NPHP4: variants seen among roughly 807,000 people sequenced by gnomAD.
The protein encoded by NPHP4 is nephrocystin 4.
In NPHP4, 151 loss-of-function variants were observed where a neutral mutation model predicts 155.8. The ratio of observed to expected loss-of-function variants is 0.97; its 90% confidence interval spans 0.85 to 1.11. NPHP4 has a LOEUF of 1.11. Among genes scored for constraint, NPHP4 ranks in the 50% least tolerant of loss-of-function variants. The probability of loss-of-function intolerance (pLI) is 0.00; values close to 1 mark genes in which losing one functional copy is unlikely to be tolerated. For missense variants in NPHP4, 1,956 were observed against 1,925.7 expected (o/e 1.02, Z -0.29); for synonymous variants, 845 against 816.8 (o/e 1.03, Z -0.59).
Position 5,867,426 on chromosome 1 carries a change from C to T in NPHP4, c.3473-311G>A. ...AGCCTGCACTCTGCTGTAAGGGGCACCTACCAGAAACACGCGGGCCGTCAG... is the reference window on the plus strand; with the variant it reads ...AGCCTGCACTCTGCTGTAAGGGGCATCTACCAGAAACACGCGGGCCGTCAG... On this transcript the variant is annotated intron_variant, in intron 24 of 29. Transcript: ENST00000378156. The surrounding 1 kb of genome is among the most constrained non-coding windows in gnomAD (Gnocchi z 4.1). 1.8e-6 allele frequency: 1 copy of T among 550,662 alleles called. No individual in the cohort carries two copies. The highest frequency in any genetic ancestry group is 3.0e-5 in the East Asian group (1 of 32,804). 34.1% of individuals were successfully genotyped at this position (550,662 alleles called of 1,614,324 possible). A position where few individuals can be genotyped will look rare whatever the true frequency, so the allele number is the denominator to read the frequency against.
intron 7 of NPHP4, among the ~76,000 whole-genome samples, chr1:5,949,369 C>CACACACACACACACA (rs1047844844): frequency 7.9e-5 from 12 of 151,822 alleles, no homozygotes; most frequent in Admixed American, 2.0e-4. Context: ...CACACACACA[C>CACACACACACACACA]AACTTGCTAA....
intron 11 of NPHP4, among the ~76,000 whole-genome samples, chr1:5,915,214 T>C (rs1316574916): frequency 1.3e-5 from 2 of 151,890 alleles, no homozygotes; most frequent in East Asian, 3.9e-4. Flanking sequence ...GCCTTGGGCC[T>C]TGGGCCTTGG....
intron 2 of NPHP4, 65 bp downstream of exon 2, chr1:5,986,090 T>G: frequency 6.3e-7 from 1 of 1,575,204 alleles, no homozygotes; most frequent in Non-Finnish European, 8.7e-7. Context: ...CATCCATCTG[T>G]TAACTGGAAG....
chr1:5,915,712 C>A (rs1023342727), intron 11 of NPHP4, among the ~76,000 whole-genome samples: 6 of 152,160 alleles, frequency 3.9e-5, no homozygotes, highest in Non-Finnish European at 8.8e-5. Context: ...GAGCTGGGGT[C>A]ACCTCCAGGG....
At chr1:5,928,229 G>A (rs528193795) in intron 10 of NPHP4, among the ~76,000 whole-genome samples, 96 of 152,164 alleles carry the variant, frequency 6.3e-4, no homozygotes, top group African/African-American at 2.0e-3. Context: ...TGCCTAACCC[G>A]GGCAATCTAT....
At chr1:5,945,868 T>A (rs777596074) in intron 9 of NPHP4, among the ~76,000 whole-genome samples, 4 of 152,058 alleles carry the variant, frequency 2.6e-5, no homozygotes, top group Non-Finnish European at 5.9e-5. Context: ...CTAAATTGCG[T>A]GCCACTCTGA....
rs1429953015 is a variant in NPHP4, at chr1:5,892,849, C to T, written c.2144-1821G>A. On this transcript the variant is annotated intron_variant, in intron 16 of 29. Coordinates refer to ENST00000378156, the MANE Select transcript of NPHP4 (RefSeq NM_015102.5). The surrounding 1 kb of genome is among the most constrained non-coding windows in gnomAD (Gnocchi z 4.5). ...CTAAGAAGACTCCCAGGGGCAGTGG[C>T]CCTGTCCTCCCCAAGCCCACCTCCT... 6.6e-6 allele frequency among the ~76,000 whole-genome samples: 1 copy of T among 152,158 alleles called. No homozygotes were observed. The highest frequency in any genetic ancestry group is 1.5e-5 in the Non-Finnish European group (1 of 68,028).
chr1:5,974,685 GAA>G (rs141487146), intron 3 of NPHP4, among the ~76,000 whole-genome samples: 5,217 of 144,556 alleles, frequency 0.036, 281 homozygotes, highest in African/African-American at 0.12. Context: ...ATCATTTGCA[GAA>G]AAAAAAAAAA....
At chr1:5,962,541 C>T (rs574123129) in intron 5 of NPHP4, among the ~76,000 whole-genome samples, 10 of 152,302 alleles carry the variant, frequency 6.6e-5, no homozygotes, top group Admixed American at 6.5e-4. Context: ...TCCACCAAGC[C>T]CCAAACGGAG....
intron 19 of NPHP4, chr1:5,879,484 T>G (rs11121915): frequency 0.8 from 414,881 of 517,236 alleles, 167,227 homozygotes; most frequent in African/African-American, 0.93. Context: ...CAACATAGGG[T>G]ACTTCAACTT....
In NPHP4 at chr1:5,927,651, G is replaced by C. The variant is rs762305544; in HGVS notation, c.1439C>G (p.Ser480Trp). The C allele has an allele frequency of 6.2e-7, 1 of 1,604,308 alleles. No individual in the cohort carries two copies. The change falls in exon 11 of 30, where the codon TCG (serine) becomes TGG (tryptophan). Residue 480 changes from serine (S) to tryptophan (W), a missense_variant and splice_region_variant. By Grantham distance (177) the Ser-to-Trp change is radical (BLOSUM62 -3). Transcript: ENST00000378156. ...GTCAGCTCTCTGGAAACACTTACTC[G>C]AAGGGGACGTGGGTGGTTTCCTGGA... ...RPSRKPPTSP[S>W]SPPAPVPRVL...
chr1:5,905,539 C>T lies in NPHP4; in HGVS notation c.1764-56G>A, dbSNP rs1644874005. The T allele has an allele frequency of 1.3e-6, 2 of 1,594,454 alleles. No homozygotes were observed. Among genetic ancestry groups the T allele is most frequent in the Admixed American group, 3.4e-5 (2 of 59,108 alleles). ...CCGGGAAAGGGGGGACCCATTGATGCACCTCCCTGTGGAAACCCTGGGGTT... is the reference window on the plus strand; with the variant it reads ...CCGGGAAAGGGGGGACCCATTGATGTACCTCCCTGTGGAAACCCTGGGGTT... On this transcript the variant is annotated intron_variant, in intron 14 of 29. Transcript: ENST00000378156. This position sits in a 1 kb window ranked among gnomAD's most constrained non-coding sequence, Gnocchi z 4.0.
chr1:5,969,010 G>C, intron 4 of NPHP4, 77 bp downstream of exon 4: 1 of 984,960 alleles, frequency 1.0e-6, no homozygotes, highest in South Asian at 1.5e-5. Context: ...CTGGTTGACA[G>C]AGTGAGAATC....
chr1:5,891,496 C>T (rs772324532), intron 16 of NPHP4, among the ~76,000 whole-genome samples: 1 of 152,216 alleles, frequency 6.6e-6, no homozygotes, highest in Non-Finnish European at 1.5e-5. Flanking sequence ...TAAAGCAGGA[C>T]GGCACCTGCC....
At chr1:5,962,768 C>T (rs895278085) in intron 5 of NPHP4, among the ~76,000 whole-genome samples, 3 of 152,186 alleles carry the variant, frequency 2.0e-5, no homozygotes, top group Non-Finnish European at 2.9e-5. Context: ...AAATGACACC[C>T]GGGAGGAGTG....
At chr1:5,955,666 T>A (rs949514445) in intron 6 of NPHP4, among the ~76,000 whole-genome samples, 1 of 152,246 alleles carries the variant, frequency 6.6e-6, no homozygotes, top group African/African-American at 2.4e-5. Flanking sequence ...CCACATGATC[T>A]TACTCATATG....
intron 9 of NPHP4, among the ~76,000 whole-genome samples, chr1:5,940,009 A>T (rs1646741978): frequency 6.6e-6 from 1 of 152,168 alleles, no homozygotes. Flanking sequence ...AACAGGCAGA[A>T]AGCATCCCAC....
chr1:5,894,758 C>A (rs903443363), intron 16 of NPHP4, among the ~76,000 whole-genome samples: 1 of 151,564 alleles, frequency 6.6e-6, no homozygotes, highest in Non-Finnish European at 1.5e-5. Context: ...AAGATAAACA[C>A]AAAATTTAAT....
At chr1:5,960,416 T>C (rs1050268547) in intron 6 of NPHP4, among the ~76,000 whole-genome samples, 2 of 152,152 alleles carry the variant, frequency 1.3e-5, no homozygotes, top group African/African-American at 4.8e-5. Flanking sequence ...GCCTGTACGA[T>C]GCACAGGGCT....
Sources: allele counts gnomAD v4.1 joint callset (sites outside exome capture counted in the v4.1 genomes callset), GRCh38; gene constraint gnomAD v4.1.1; non-coding constraint Gnocchi (gnomAD v3.1); transcripts MANE v1.5; gene names NCBI Gene and HGNC (gene_info 2026-07-23, HGNC 2026-07-21).